The following C14orf132 variants were observed in gnomAD, a reference collection of about 807,000 sequenced individuals.
C14orf132 encodes the protein chromosome 14 open reading frame 132.
A neutral mutation model predicts 5.8 loss-of-function variants in C14orf132; 6 were observed. The ratio of observed to expected loss-of-function variants is 1.03; its 90% CI spans 0.57 to 2.04. The LOEUF (loss-of-function observed/expected upper bound fraction) is 2.04. Among genes scored for constraint, C14orf132 ranks in the 30% most tolerant of loss-of-function variants. The pLI, the probability that C14orf132 is intolerant of heterozygous loss-of-function variation, is 0.00. For missense variants in C14orf132, 125 were observed against 115.8 expected (o/e 1.08, Z -0.37); for synonymous variants, 51 against 49.8 (o/e 1.02, Z -0.10).
At chr14:96,058,945 C>T (rs1387740002) in intron 1 of C14orf132, among the ~76,000 whole-genome samples, 1 of 152,238 alleles carries the variant, frequency 6.6e-6, no homozygotes, top group Non-Finnish European at 1.5e-5. Context: ...AGCCTGTTTG[C>T]ATATTTGAAG....
In C14orf132 at chr14:96,039,633, A is replaced by G; in HGVS notation, c.27+106A>G. 1 of 1,178,454 alleles carries G rather than the reference A, an allele frequency of 8.5e-7. No individual in the cohort carries two copies. The highest frequency in any genetic ancestry group is 1.1e-6 in the Non-Finnish European group (1 of 891,896). 73.0% of individuals were successfully genotyped at this position (1,178,454 alleles called of 1,614,324 possible). A position where few individuals can be genotyped will look rare whatever the true frequency, so the allele number is the denominator to read the frequency against. ...GGCTGGGCAGTGGCGCCCGCCCGCGATCCGCGTCCCGGTCCTTTGTCCCGA... is the reference window on the plus strand; with the variant it reads ...GGCTGGGCAGTGGCGCCCGCCCGCGGTCCGCGTCCCGGTCCTTTGTCCCGA... On this transcript the variant is annotated intron_variant, in intron 1 of 1. Transcript: ENST00000555004. The surrounding 1 kb of genome is among the most constrained non-coding windows in gnomAD (Gnocchi z 5.3).
chr14:96,049,508 G>GTA (rs1886939641), intron 1 of C14orf132, among the ~76,000 whole-genome samples: 1 of 134,340 alleles, frequency 7.4e-6, no homozygotes, highest in Non-Finnish European at 1.6e-5. Flanking sequence ...GTATATATAC[G>GTA]TATATACGTA....
intron 1 of C14orf132, among the ~76,000 whole-genome samples, chr14:96,049,745 T>A (rs907896860): frequency 3.4e-5 from 5 of 147,410 alleles, no homozygotes; most frequent in Non-Finnish European, 3.0e-5. Flanking sequence ...GTCTTAGAGC[T>A]CACTGATAGT....
chr14:96,056,892 T>C (rs1258296573), intron 1 of C14orf132, among the ~76,000 whole-genome samples: 1 of 152,128 alleles, frequency 6.6e-6, no homozygotes, highest in Non-Finnish European at 1.5e-5. Flanking sequence ...AAAACACTGG[T>C]CACCATACCT....
At chr14:96,083,138 A>G (rs1346866826) in intron 1 of C14orf132, among the ~76,000 whole-genome samples, 5 of 152,220 alleles carry the variant, frequency 3.3e-5, no homozygotes, top group Admixed American at 3.3e-4. Flanking sequence ...ATTGGGGTTT[A>G]TGAAGTACCG....
chr14:96,086,027 A>T (rs373810702), intron 1 of C14orf132, among the ~76,000 whole-genome samples: 1 of 151,650 alleles, frequency 6.6e-6, no homozygotes, highest in East Asian at 1.9e-4. Context: ...GGAAAAAAAG[A>T]TTGGAAAGAA....
Position 96,086,656 on chromosome 14 carries a change from C to A in C14orf132, c.173C>A (p.Ala58Asp). Residue 58 changes from alanine to aspartate, a missense_variant, in exon 2 of 2, where the codon GCC (alanine) becomes GAC (aspartate). Ala to Asp is a moderately radical substitution (Grantham distance 126, BLOSUM62 -2). Coordinates refer to ENST00000555004, the MANE Select transcript of C14orf132 (RefSeq NM_001252507.3). The part of the protein sequence containing the change: ...PEDPPRSSND[A>D]VLLWIAIIAT... ...GATCCTCCTCGGTCCTCCAACGACGCCGTCTTGCTATGGATTGCCATCATA... is the reference window on the plus strand; with the variant it reads ...GATCCTCCTCGGTCCTCCAACGACGACGTCTTGCTATGGATTGCCATCATA... 1 of 1,536,194 alleles carries A rather than the reference C, an allele frequency of 6.5e-7. No individual in the cohort carries two copies. The highest frequency in any genetic ancestry group is 1.2e-5 in the South Asian group (1 of 84,064).
intron 1 of C14orf132, among the ~76,000 whole-genome samples, chr14:96,057,351 C>T (rs1416162747): frequency 6.6e-6 from 1 of 152,224 alleles, no homozygotes; most frequent in East Asian, 1.9e-4. Flanking sequence ...CAGCAGACAC[C>T]AGAGCTGCCT....
chr14:96,063,923 G>C (rs996848391), intron 1 of C14orf132, among the ~76,000 whole-genome samples: 9 of 152,124 alleles, frequency 5.9e-5, no homozygotes, highest in African/African-American at 2.2e-4. Context: ...GACATGAATA[G>C]ACAATTTTCA....
At chr14:96,073,566 T>G (rs760565951) in intron 1 of C14orf132, among the ~76,000 whole-genome samples, 2 of 152,340 alleles carry the variant, frequency 1.3e-5, no homozygotes, top group Middle Eastern at 6.8e-3. Flanking sequence ...AGAAAAAGAA[T>G]GCTTTTATAC....
chr14:96,092,336 T>A lies in C14orf132; in HGVS notation c.*5601T>A, dbSNP rs1027894591. 6.6e-6 allele frequency: 1 copy of A among 152,220 alleles called. No individual in the cohort carries two copies. The highest frequency in any genetic ancestry group is 1.5e-5 in the Non-Finnish European group (1 of 68,046). The allele number at this position is 152,220 out of a possible 1,614,324, so 9.4% of individuals were successfully genotyped here. ...GCTGTCATCTGCTCTTGGGTCCTTT[T>A]TCAAGCTGATTTCCTGCCTCCCCAA... is the stretch of plus-strand genomic sequence containing the variant. On this transcript the variant is annotated 3_prime_UTR_variant, in exon 2 of 2. Coordinates refer to ENST00000555004, the MANE Select transcript of C14orf132 (RefSeq NM_001252507.3).
intron 1 of C14orf132, among the ~76,000 whole-genome samples, chr14:96,059,331 C>T (rs1441262987): frequency 6.6e-6 from 1 of 152,186 alleles, no homozygotes; most frequent in Non-Finnish European, 1.5e-5. Flanking sequence ...TTATTTTGAA[C>T]ACTGGATGTG....
chr14:96,059,739 A>G (rs1312678625), intron 1 of C14orf132, among the ~76,000 whole-genome samples: 2 of 152,146 alleles, frequency 1.3e-5, no homozygotes, highest in Non-Finnish European at 2.9e-5. Context: ...TCCTCCCTGG[A>G]CGACTGCAGG....
At chr14:96,049,544 ATATATATACATATATACG>A (rs1566823635) in intron 1 of C14orf132, among the ~76,000 whole-genome samples, 17 of 126,564 alleles carry the variant, frequency 1.3e-4, no homozygotes, top group South Asian at 7.2e-4. Flanking sequence ...ATACATACGT[ATATATATACATATATACG>A]TATATATACA....
At chr14:96,063,917 T>C (rs1887439722) in intron 1 of C14orf132, among the ~76,000 whole-genome samples, 1 of 151,988 alleles carries the variant, frequency 6.6e-6, no homozygotes, top group African/African-American at 2.4e-5. Context: ...GCTAAGGACA[T>C]GAATAGACAA....
At chr14:96,069,993 G>A (rs113829243) in intron 1 of C14orf132, among the ~76,000 whole-genome samples, 2,486 of 152,308 alleles carry the variant, frequency 0.016, 82 homozygotes, top group African/African-American at 0.057. Context: ...AGAGCATGCT[G>A]TTGTCCTGCT....
Position 96,086,854 on chromosome 14 carries a change from C to A in C14orf132, c.*119C>A, listed in dbSNP as rs914106024. Reference sequence around the variant, plus strand: ...AGTTTTGACCAGGGGCGGCGGCCGTCCTTCTGGAATTTCTCCCCAGCAGCC... The same window carrying A: ...AGTTTTGACCAGGGGCGGCGGCCGTACTTCTGGAATTTCTCCCCAGCAGCC... On this transcript the variant is annotated 3_prime_UTR_variant, in exon 2 of 2. Transcript: ENST00000555004. 8 of 1,001,278 alleles carry A rather than the reference C, an allele frequency of 8.0e-6. No homozygotes were observed. Among genetic ancestry groups the A allele is most frequent in the African/African-American group, 1.6e-5 (1 of 61,504 alleles). 62.0% of individuals were successfully genotyped at this position (1,001,278 alleles called of 1,614,324 possible).
At chr14:96,071,202 G>A (rs1887697873) in intron 1 of C14orf132, among the ~76,000 whole-genome samples, 1 of 152,142 alleles carries the variant, frequency 6.6e-6, no homozygotes, top group South Asian at 2.1e-4. Flanking sequence ...AAGGAGACGT[G>A]CTGAGCAAAA....
At position 96,092,184 on chromosome 14, in the gene C14orf132, C is replaced by T. The variant is rs1028332230; in HGVS notation, c.*5449C>T. On this transcript the variant is annotated 3_prime_UTR_variant, in exon 2 of 2. Transcript: ENST00000555004. ...CAAGATAGAAAAGAGCAGAGAATGA[C>T]GTGGACATTGGTCCTCGGAGAGGCT... The T allele has an allele frequency of 2.6e-5, 4 of 152,230 alleles. No individual in the cohort carries two copies. The highest frequency in any genetic ancestry group is 4.4e-5 in the Non-Finnish European group (3 of 68,048). 9.4% of individuals were successfully genotyped at this position (152,230 alleles called of 1,614,324 possible).
Sources: allele counts gnomAD v4.1 joint callset (sites outside exome capture counted in the v4.1 genomes callset), GRCh38; gene constraint gnomAD v4.1.1; non-coding constraint Gnocchi (gnomAD v3.1); transcripts MANE v1.5; gene names NCBI Gene and HGNC (gene_info 2026-07-23, HGNC 2026-07-21).